Variants in C10orf67 observed in about 807,000 individuals in gnomAD.
C10orf67 encodes the protein chromosome 10 open reading frame 67.
A neutral mutation model predicts 35.6 loss-of-function variants in C10orf67; 60 were observed. The observed-to-expected ratio is 1.68, with a 90% CI of 1.37 to 2.09. The LOEUF is 2.09. Among genes scored for constraint, C10orf67 ranks in the 30% most tolerant of loss-of-function variants. The pLI is 0.00. For missense variants in C10orf67, 474 were observed against 330.2 expected, an observed-to-expected ratio of 1.44 and a Z score of -3.38; for synonymous variants, 167 against 115.8, an observed-to-expected ratio of 1.44 and a Z score of -2.84.
At chr10:23,296,468 T>TC in intron 5 of C10orf67, among the ~76,000 whole-genome samples, 1 of 152,296 alleles carries the variant, frequency 6.6e-6, no homozygotes, top group African/African-American at 2.4e-5. Flanking sequence ...GCGGTCACCT[T>TC]CCCAGCTAGG....
intron 13 of C10orf67, among the ~76,000 whole-genome samples, chr10:23,235,033 G>C (rs1445491642): frequency 2.7e-5 from 3 of 110,272 alleles, no homozygotes; most frequent in Non-Finnish European, 6.0e-5. Flanking sequence ...AAAAAAAAAA[G>C]CTAAATAAAA....
intron 1 of C10orf67, 81 bp downstream of exon 1, chr10:23,344,488 C>T (rs1846059354): frequency 7.6e-7 from 1 of 1,321,092 alleles, no homozygotes; most frequent in Non-Finnish European, 1.1e-6. Flanking sequence ...GCTGCACCCC[C>T]GTAAATAACC....
At chr10:23,293,366 C>G (rs566217406) in intron 5 of C10orf67, among the ~76,000 whole-genome samples, 1 of 152,304 alleles carries the variant, frequency 6.6e-6, no homozygotes, top group East Asian at 1.9e-4. Context: ...ATTAACTATT[C>G]AGACGCCCAC....
intron 15 of C10orf67, among the ~76,000 whole-genome samples, chr10:23,204,973 T>G (rs982355717): frequency 3.3e-5 from 5 of 152,168 alleles, no homozygotes; most frequent in South Asian, 4.1e-4. Flanking sequence ...AACAAAGCAT[T>G]GCAGCCTGCG....
At chr10:23,211,352 A>T (rs1841300380) in intron 15 of C10orf67, among the ~76,000 whole-genome samples, 1 of 152,190 alleles carries the variant, frequency 6.6e-6, no homozygotes, top group African/African-American at 2.4e-5. Flanking sequence ...AATTGAGTCC[A>T]CCTGGAAGAC....
intron 13 of C10orf67, among the ~76,000 whole-genome samples, chr10:23,238,036 G>T (rs1379981762): frequency 6.6e-6 from 1 of 152,114 alleles, no homozygotes; most frequent in African/African-American, 2.4e-5. Flanking sequence ...TCACACTGTA[G>T]ATCAGGCACT....
At chr10:23,256,238 G>C (rs1302142035) in intron 10 of C10orf67, among the ~76,000 whole-genome samples, 1 of 152,066 alleles carries the variant, frequency 6.6e-6, no homozygotes, top group Non-Finnish European at 1.5e-5. Flanking sequence ...CTGGGCTCAA[G>C]CAATCCTCCT....
At chr10:23,320,913 A>C in intron 3 of C10orf67, 98 bp from the exon 4 acceptor site, 1 of 749,464 alleles carries the variant, frequency 1.3e-6, no homozygotes, top group South Asian at 1.9e-5. Context: ...CATCATCTGA[A>C]TCATCACAAT....
chr10:23,260,655 T>TG (rs1419440993), intron 10 of C10orf67, among the ~76,000 whole-genome samples: 1 of 152,198 alleles, frequency 6.6e-6, no homozygotes, highest in Non-Finnish European at 1.5e-5. Flanking sequence ...GTGGCTTTCC[T>TG]GGGAGCTCAT....
chr10:23,236,749 T>C (rs1312978411), intron 13 of C10orf67, among the ~76,000 whole-genome samples: 1 of 151,916 alleles, frequency 6.6e-6, no homozygotes, highest in Non-Finnish European at 1.5e-5. Context: ...TGGTGGTGCA[T>C]GCCTGTAATT....
chr10:23,344,081 C>T (rs999284484), intron 1 of C10orf67: 2 of 245,930 alleles, frequency 8.1e-6, no homozygotes, highest in East Asian at 2.6e-4. Context: ...GTTGCCATGG[C>T]GACTCCCAGG....
intron 15 of C10orf67, among the ~76,000 whole-genome samples, chr10:23,222,142 CAG>C (rs1287722756): frequency 2.0e-5 from 3 of 152,154 alleles, no homozygotes; most frequent in Non-Finnish European, 2.9e-5. Context: ...TTTCAGTAGA[CAG>C]AGCGGAAATA....
intron 1 of C10orf67, among the ~76,000 whole-genome samples, chr10:23,338,814 G>C (rs1460289060): frequency 6.6e-6 from 1 of 152,064 alleles, no homozygotes; most frequent in Non-Finnish European, 1.5e-5. Flanking sequence ...TTCAGGAATG[G>C]CCTGGGCAAC....
At chr10:23,293,803 C>T (rs116416238) in intron 5 of C10orf67, among the ~76,000 whole-genome samples, 2,276 of 152,290 alleles carry the variant, frequency 0.015, 54 homozygotes, top group African/African-American at 0.052. Context: ...AATTGAATCT[C>T]GAAAGAATCA....
At chr10:23,266,857 G>A (rs1842894299) in intron 9 of C10orf67, among the ~76,000 whole-genome samples, 2 of 152,114 alleles carry the variant, frequency 1.3e-5, no homozygotes, top group South Asian at 2.1e-4. Flanking sequence ...TCTGCTCCCT[G>A]TTCTCAACAA....
At chr10:23,311,477 C>T (rs555016540) in intron 4 of C10orf67, among the ~76,000 whole-genome samples, 5 of 152,126 alleles carry the variant, frequency 3.3e-5, no homozygotes, top group African/African-American at 7.2e-5. Context: ...TTTGGGAGGC[C>T]GAGGTGGGTG....
intron 15 of C10orf67, among the ~76,000 whole-genome samples, chr10:23,215,391 T>A (rs1841403931): frequency 6.6e-6 from 1 of 151,962 alleles, no homozygotes; most frequent in Non-Finnish European, 1.5e-5. Context: ...CCTCCCATGT[T>A]CAAGAGATTC....
intron 13 of C10orf67, among the ~76,000 whole-genome samples, chr10:23,224,895 G>A (rs915540943): frequency 6.6e-6 from 1 of 152,190 alleles, no homozygotes; most frequent in Non-Finnish European, 1.5e-5. Context: ...ATGTCTGATT[G>A]GTGTACCTGA....
chr10:23,313,556 T>C (rs1383435344), intron 4 of C10orf67, among the ~76,000 whole-genome samples: 1 of 152,240 alleles, frequency 6.6e-6, no homozygotes, highest in Non-Finnish European at 1.5e-5. Context: ...GTCCCTGCTC[T>C]GCAGGAAGAG....
Sources: allele counts gnomAD v4.1 joint callset (sites outside exome capture counted in the v4.1 genomes callset), GRCh38; gene constraint gnomAD v4.1.1; transcripts MANE v1.5; gene names NCBI Gene and HGNC (gene_info 2026-07-23, HGNC 2026-07-21).